The following ARHGAP23 variants were observed in gnomAD, a reference collection of about 807,000 sequenced individuals.
ARHGAP23 encodes the protein Rho GTPase activating protein 23, also known as rho GTPase-activating protein 23.
In ARHGAP23, 34 loss-of-function variants were observed where a neutral mutation model predicts 136.3. The ratio of observed to expected loss-of-function variants is 0.25; its 90% CI spans 0.19 to 0.33. The LOEUF is 0.33. ARHGAP23 is among the 10% of genes least tolerant of loss of function. The pLI is 1.00. For synonymous variants in ARHGAP23, 832 were observed against 920.5 expected, an observed-to-expected ratio of 0.90 and a Z score of 1.74; for missense variants, 1,808 against 2,139.0, an observed-to-expected ratio of 0.85 and a Z score of 3.05.
At position 38,491,241 on chromosome 17, in the gene ARHGAP23, G is replaced by A. The variant is rs148449213; in HGVS notation, c.3151-166G>A. Among the ~76,000 whole-genome samples, 134 of 152,342 alleles carry A rather than the reference G, an allele frequency of 8.8e-4. 2 individuals are homozygous for A. The East Asian group carries it at 0.014, about 16-fold the overall frequency. Reference sequence around the variant, plus strand: ...CTGGGGATGAAAGGGGCTGAAATCTGGTCTGTGCTCTACTCATCAAGCATC... The same window carrying A: ...CTGGGGATGAAAGGGGCTGAAATCTAGTCTGTGCTCTACTCATCAAGCATC... On this transcript the variant is annotated intron_variant, in intron 19 of 23. Coordinates refer to ENST00000622683, the MANE Select transcript of ARHGAP23 (RefSeq NM_001199417.2).
intron 1 of ARHGAP23, among the ~76,000 whole-genome samples, chr17:38,445,884 T>G (rs1261445907): frequency 6.6e-6 from 1 of 152,092 alleles, no homozygotes; most frequent in African/African-American, 2.4e-5. Context: ...TTCTCCCACC[T>G]CAGCCTCCCA....
intron 1 of ARHGAP23, 114 bp downstream of exon 1, chr17:38,428,662 G>C: frequency 2.9e-6 from 2 of 694,034 alleles, no homozygotes; most frequent in Non-Finnish European, 4.0e-6. Flanking sequence ...CGCACGGTGG[G>C]CGCGGGCACC....
Position 38,467,171 on chromosome 17 carries a change from G to A in ARHGAP23, c.1488G>A (p.Pro496=), listed in dbSNP as rs1315361446. 15 of 1,549,922 alleles carry A rather than the reference G, an allele frequency of 9.7e-6. No homozygotes were observed. The highest frequency in any genetic ancestry group is 3.6e-5 in the South Asian group (3 of 84,002). The change falls in exon 7 of 24, where the codon CCG becomes CCA. Residue 496 remains proline, a synonymous_variant. Transcript: ENST00000622683. The part of the protein sequence containing the change: ...GDEVVLRQKP[P]TGRKVQLTPA... ...AGGTGGTCCTGAGGCAGAAGCCCCC[G>A]ACGGGCCGCAAGGTTCAGCTGACCC...
At chr17:38,497,416 G>GC (rs2040416888) in intron 20 of ARHGAP23, among the ~76,000 whole-genome samples, 1 of 152,196 alleles carries the variant, frequency 6.6e-6, no homozygotes, top group Non-Finnish European at 1.5e-5. Flanking sequence ...GTGCCTCCCT[G>GC]CCCCCCGGCT....
intron 1 of ARHGAP23, among the ~76,000 whole-genome samples, chr17:38,439,659 A>G (rs72834052): frequency 0.076 from 11,546 of 152,222 alleles, 531 homozygotes; most frequent in Middle Eastern, 0.23. Flanking sequence ...GATTATCTCT[A>G]TTTAATAACT....
Position 38,467,158 on chromosome 17 carries a change from G to T in ARHGAP23, c.1475G>T (p.Arg492Met). Residue 492 changes from arginine to methionine, a missense_variant, in exon 7 of 24, where the codon AGG (arginine) becomes ATG (methionine). Around this residue, in one of 7 missense-constraint regions of ARHGAP23, gnomAD observed 859 missense variants for 936.4 expected, o/e 0.92. Transcript: ENST00000622683. ...GATCGCGGCGATGAGGTGGTCCTGA[G>T]GCAGAAGCCCCCGACGGGCCGCAAG... The part of the protein sequence containing the change: ...AEDRGDEVVL[R>M]QKPPTGRKVQ... 1 of 1,549,826 alleles carries T rather than the reference G, an allele frequency of 6.5e-7. No homozygotes were observed.
chr17:38,420,349 G>A (rs71384222), intron 1 of ARHGAP23, among the ~76,000 whole-genome samples: 16 of 152,250 alleles, frequency 1.1e-4, no homozygotes, highest in African/African-American at 3.4e-4. Flanking sequence ...GGGGTCTGGA[G>A]AGGCGGGATA....
chr17:38,490,604 G>A, intron 19 of ARHGAP23, 53 bp downstream of exon 19: 6 of 1,396,000 alleles, frequency 4.3e-6, no homozygotes, highest in Non-Finnish European at 3.0e-6. Flanking sequence ...GACTTACTGT[G>A]TGAGGGCCCT....
intron 11 of ARHGAP23, among the ~76,000 whole-genome samples, chr17:38,475,097 G>A (rs372556013): frequency 1.3e-5 from 2 of 152,220 alleles, no homozygotes; most frequent in African/African-American, 2.4e-5. Flanking sequence ...TCTTGGTGCC[G>A]TGGCCTGGAC....
At position 38,466,987 on chromosome 17, in the gene ARHGAP23, C is replaced by T. The variant is rs1021253499; in HGVS notation, c.1304C>T (p.Ala435Val). 12 of 1,550,610 alleles carry T rather than the reference C, an allele frequency of 7.7e-6. No homozygotes were observed. The highest frequency in any genetic ancestry group is 4.8e-5 in the South Asian group (4 of 84,070). Residue 435 changes from alanine (A) to valine (V), a missense_variant, in exon 7 of 24, where the codon GCG becomes GTG. By Grantham distance (64) the Ala-to-Val change is moderately conservative. Coordinates refer to ENST00000622683, the MANE Select transcript of ARHGAP23 (RefSeq NM_001199417.2). ...CAGCGCCGGACCGGCCTCCTCCATG[C>T]GCTCTCCTTCCGGGACTCACCCTTT... ...SFQRRTGLLH[A>V]LSFRDSPFGG...
chr17:38,473,196 T>A (rs559763544), intron 11 of ARHGAP23, among the ~76,000 whole-genome samples: 2 of 151,762 alleles, frequency 1.3e-5, no homozygotes, highest in East Asian at 3.9e-4. Context: ...TCAAATTATG[T>A]GTCTGCCTCG....
rs553248779 is a variant in ARHGAP23 at position 38,507,067 on chromosome 17, A to C, written c.3448-2877A>C. On this transcript the variant is annotated intron_variant, in intron 23 of 23. Coordinates refer to ENST00000622683, the MANE Select transcript of ARHGAP23 (RefSeq NM_001199417.2). ...GGTGGGAGGATCACTTGAGGCCAGG[A>C]GTTCAAGACCAGCCTAGCCAACATG... Among the ~76,000 whole-genome samples, 1,364 of 152,240 alleles carry C rather than the reference A, an allele frequency of 9.0e-3. 17 individuals carry two copies. Among genetic ancestry groups the C allele is most frequent in the Non-Finnish European group, 0.011 (770 of 68,014 alleles).
rs764445708 is a variant in ARHGAP23 at position 38,466,434 on chromosome 17, C to T, written c.751C>T (p.Arg251Cys). 20 of 1,526,868 alleles carry T rather than the reference C, an allele frequency of 1.3e-5. No homozygotes were observed. Among genetic ancestry groups the T allele is most frequent in the Non-Finnish European group, 1.6e-5 (18 of 1,139,468 alleles). The allele number at this position is 1,526,868 out of a possible 1,614,324, so 94.6% of individuals were successfully genotyped here. ...DNSSLGMSQP[R>C]PSPGAFPHLS... is the part of the protein sequence containing the mutation. ...CTCTTCCTTGGGGATGAGCCAGCCCCGCCCCAGCCCTGGTGCCTTCCCCCA... is the reference window on the plus strand; with the variant it reads ...CTCTTCCTTGGGGATGAGCCAGCCCTGCCCCAGCCCTGGTGCCTTCCCCCA... Residue 251 changes from arginine (R) to cysteine (C), a missense_variant, in exon 7 of 24, where the codon CGC becomes TGC. By Grantham distance (180) the Arg-to-Cys change is radical. Coordinates refer to ENST00000622683, the MANE Select transcript of ARHGAP23 (RefSeq NM_001199417.2).
intron 1 of ARHGAP23, among the ~76,000 whole-genome samples, chr17:38,440,562 T>C (rs2038897966): frequency 6.6e-6 from 1 of 152,236 alleles, no homozygotes; most frequent in Non-Finnish European, 1.5e-5. Flanking sequence ...GGTCATGCAG[T>C]TGGGACCTGA....
intron 22 of ARHGAP23, chr17:38,498,802 T>C: frequency 3.0e-6 from 2 of 667,168 alleles, no homozygotes; most frequent in Non-Finnish European, 2.7e-6. Context: ...ATGGGCTGGC[T>C]GTGTCCTTCT....
intron 12 of ARHGAP23, among the ~76,000 whole-genome samples, chr17:38,479,155 C>T (rs996402561): frequency 3.9e-5 from 6 of 152,180 alleles, no homozygotes; most frequent in African/African-American, 9.7e-5. Context: ...TCTGCCAGGA[C>T]GGTGGCGAGT....
chr17:38,450,111 G>C (rs1008732159), intron 1 of ARHGAP23, among the ~76,000 whole-genome samples: 8 of 152,192 alleles, frequency 5.3e-5, no homozygotes, highest in Non-Finnish European at 1.0e-4. Flanking sequence ...CCTGAGAGCA[G>C]GGCTCCCTTG....
chr17:38,489,127 G>A (rs974907346), intron 17 of ARHGAP23, among the ~76,000 whole-genome samples: 2 of 151,990 alleles, frequency 1.3e-5, no homozygotes, highest in Admixed American at 6.6e-5. Flanking sequence ...CAGCTGATGC[G>A]CCTCAGCCTT....
At chr17:38,494,476 C>G (rs1407303102) in intron 20 of ARHGAP23, among the ~76,000 whole-genome samples, 1 of 152,024 alleles carries the variant, frequency 6.6e-6, no homozygotes, top group Non-Finnish European at 1.5e-5. Context: ...GTGGTCTCAA[C>G]TACTTGGGGG....
Sources: gnomAD v4.1 joint callset for allele counts (sites outside exome capture counted in the v4.1 genomes callset) on GRCh38, gnomAD v4.1.1 for gene constraint, gnomAD v4.1.1 regional missense constraint, MANE v1.5 for transcripts, NCBI Gene and HGNC (gene_info 2026-07-23, HGNC 2026-07-21) for gene names.